The following CDH12 variants were observed in gnomAD, a reference collection of about 807,000 sequenced individuals.
CDH12 encodes the protein cadherin-12.
A neutral mutation model predicts 74.1 loss-of-function variants in CDH12; 41 were observed. The ratio of observed to expected loss-of-function variants is 0.55; its 90% CI spans 0.43 to 0.72. CDH12 has a LOEUF of 0.72. Ranked by LOEUF, CDH12 falls within the 30% of genes least tolerant of loss-of-function variation. The pLI, the probability that CDH12 is intolerant of heterozygous loss-of-function variation, is 0.00. For synonymous variants in CDH12, 399 were observed against 355.0 expected, an observed-to-expected ratio of 1.12 and a Z score of -1.39; for missense variants, 945 against 977.2, an observed-to-expected ratio of 0.97 and a Z score of 0.44.
At chr5:22,513,735 C>T (rs753555368) in intron 1 of CDH12, among the ~76,000 whole-genome samples, 45 of 151,968 alleles carry the variant, frequency 3.0e-4, no homozygotes, top group Non-Finnish European at 6.5e-4. Flanking sequence ...ATCATGAGGT[C>T]AGGAGTTTGA....
At chr5:22,433,936 T>C (rs1744271949) in intron 2 of CDH12, among the ~76,000 whole-genome samples, 1 of 152,292 alleles carries the variant, frequency 6.6e-6, no homozygotes. Context: ...AGTATAGCTG[T>C]CTGGTTAAGG....
At position 21,882,480 on chromosome 5, in the gene CDH12, C is replaced by T. The variant is rs1020100876; in HGVS notation, c.527-27690G>A. ...TCTGTATGTTCCATTTATAGTACAA[C>T]TGCCACATTTATTTGCTTTTTAAAA... is the stretch of plus-strand genomic sequence containing the variant. On this transcript the variant is annotated intron_variant, in intron 6 of 14. Coordinates refer to ENST00000382254, the MANE Select transcript of CDH12 (RefSeq NM_004061.5). 34 of 685,032 alleles carry T rather than the reference C, an allele frequency of 5.0e-5. No individual in the cohort carries two copies. The Admixed American group carries it at 7.6e-4, about 15-fold the overall frequency. The allele number at this position is 685,032 out of a possible 1,614,324, so 42.4% of individuals were successfully genotyped here.
At chr5:22,829,051 C>A (rs900428283) in intron 1 of CDH12, among the ~76,000 whole-genome samples, 2 of 152,044 alleles carry the variant, frequency 1.3e-5, no homozygotes, top group African/African-American at 4.8e-5. Context: ...GAGTTTGATT[C>A]TCATTATTGA....
At chr5:22,011,450 G>A (rs1431289854) in intron 5 of CDH12, among the ~76,000 whole-genome samples, 1 of 152,106 alleles carries the variant, frequency 6.6e-6, no homozygotes, top group Non-Finnish European at 1.5e-5. Context: ...CAGCTAAAAG[G>A]AATAGTTTTG....
chr5:22,758,043 A>G (rs1360485947), intron 1 of CDH12, among the ~76,000 whole-genome samples: 1 of 152,152 alleles, frequency 6.6e-6, no homozygotes, highest in African/African-American at 2.4e-5. Context: ...CTCTTTAGGA[A>G]AGATTGCTAT....
chr5:22,187,399 T>C lies in CDH12; in HGVS notation c.-187+25099A>G, dbSNP rs535010160. 2.0e-4 allele frequency among the ~76,000 whole-genome samples: 31 copies of C among 152,308 alleles called. No homozygotes were observed. In the East Asian group the frequency reaches 2.5e-3, roughly 12 times the overall value. On this transcript the variant is annotated intron_variant, in intron 4 of 14. Coordinates refer to ENST00000382254, the MANE Select transcript of CDH12 (RefSeq NM_004061.5). Reference sequence around the variant, plus strand: ...GTGTTGTATTGCAGTCAAGAGGAAATAAGGAGTTCCCAGCAACTGAAAGTT... The same window carrying C: ...GTGTTGTATTGCAGTCAAGAGGAAACAAGGAGTTCCCAGCAACTGAAAGTT...
intron 1 of CDH12, among the ~76,000 whole-genome samples, chr5:22,674,981 C>T (rs1419681847): frequency 6.6e-6 from 1 of 152,100 alleles, no homozygotes; most frequent in African/African-American, 2.4e-5. Flanking sequence ...TGCAGCCTGA[C>T]AATGCTATAG....
intron 1 of CDH12, among the ~76,000 whole-genome samples, chr5:22,786,479 G>T (rs187460144): frequency 1.3e-5 from 2 of 152,270 alleles, no homozygotes; most frequent in Admixed American, 1.3e-4. Context: ...CCTTCCTGAA[G>T]TCTGAAATTC....
chr5:21,859,623 T>C (rs996669283), intron 6 of CDH12, among the ~76,000 whole-genome samples: 1 of 151,982 alleles, frequency 6.6e-6, no homozygotes, highest in South Asian at 2.1e-4. Flanking sequence ...TTGCTTCCTG[T>C]TTCTGCGACA....
At chr5:22,064,599 C>T (rs1038910053) in intron 5 of CDH12, among the ~76,000 whole-genome samples, 3 of 152,078 alleles carry the variant, frequency 2.0e-5, no homozygotes, top group Admixed American at 6.6e-5. Context: ...ATTCTCCTAA[C>T]CAAAGTCTTG....
chr5:21,998,059 C>T (rs1209746994), intron 5 of CDH12, among the ~76,000 whole-genome samples: 3 of 151,950 alleles, frequency 2.0e-5, no homozygotes, highest in Non-Finnish European at 2.9e-5. Flanking sequence ...GGCTACAACA[C>T]GAGGCCAATA....
At chr5:22,616,848 T>C (rs1737714778) in intron 1 of CDH12, among the ~76,000 whole-genome samples, 1 of 151,966 alleles carries the variant, frequency 6.6e-6, no homozygotes, top group South Asian at 2.1e-4. Context: ...CCTTTGTGAA[T>C]GGAATTTGTG....
At chr5:22,826,736 T>C (rs185010974) in intron 1 of CDH12, among the ~76,000 whole-genome samples, 2 of 152,218 alleles carry the variant, frequency 1.3e-5, no homozygotes, top group Admixed American at 6.5e-5. Context: ...TGCCCATAGA[T>C]TTGTTGAAAT....
chr5:22,808,608 T>G (rs1283037524), intron 1 of CDH12, among the ~76,000 whole-genome samples: 2 of 143,110 alleles, frequency 1.4e-5, no homozygotes, highest in Non-Finnish European at 3.0e-5. Flanking sequence ...TTCTTGTCTT[T>G]TTTTTTTTTT....
intron 4 of CDH12, among the ~76,000 whole-genome samples, chr5:22,085,283 A>T (rs1055025158): frequency 6.6e-6 from 1 of 152,062 alleles, no homozygotes; most frequent in South Asian, 2.1e-4. Context: ...AAAGATATAC[A>T]AAGGCTGTGG....
intron 5 of CDH12, among the ~76,000 whole-genome samples, chr5:21,991,350 A>G (rs369639262): frequency 6.6e-6 from 1 of 151,728 alleles, no homozygotes; most frequent in African/African-American, 2.4e-5. Flanking sequence ...TGAACTAATA[A>G]CTACACAGAT....
At chr5:22,438,336 A>C (rs566025721) in intron 2 of CDH12, among the ~76,000 whole-genome samples, 7 of 152,154 alleles carry the variant, frequency 4.6e-5, no homozygotes, top group African/African-American at 1.7e-4. Context: ...CATTGTATCC[A>C]TAGCACCTAA....
chr5:22,303,302 T>C (rs1406126823), intron 3 of CDH12, among the ~76,000 whole-genome samples: 2 of 152,106 alleles, frequency 1.3e-5, no homozygotes, highest in Non-Finnish European at 2.9e-5. Context: ...GTCCATTCAA[T>C]AAAAACATGT....
chr5:22,643,285 C>T (rs910665778), intron 1 of CDH12, among the ~76,000 whole-genome samples: 8 of 152,032 alleles, frequency 5.3e-5, no homozygotes, highest in South Asian at 2.1e-4. Flanking sequence ...ACATTAATGT[C>T]GACTTACTAT....
Sources: gnomAD v4.1 joint callset for allele counts (sites outside exome capture counted in the v4.1 genomes callset) on GRCh38, gnomAD v4.1.1 for gene constraint, MANE v1.5 for transcripts, NCBI Gene and HGNC (gene_info 2026-07-23, HGNC 2026-07-21) for gene names.